The following PPEF1 variants were observed in gnomAD, a reference collection of about 807,000 sequenced individuals.
PPEF1 encodes the protein serine/threonine-protein phosphatase with EF-hands 1.
Under a neutral mutation model 53.3 loss-of-function variants are expected in PPEF1, and 12 were observed. The observed-to-expected ratio is 0.23, with a 90% CI of 0.14 to 0.36. The LOEUF (loss-of-function observed/expected upper bound fraction) is 0.36, where lower values mean the gene tolerates loss of function less well. Among genes scored for constraint, PPEF1 ranks in the 10% least tolerant of loss-of-function variants. PPEF1 has a pLI of 1.00. For missense variants in PPEF1, 334 were observed against 490.4 expected, an observed-to-expected ratio of 0.68 and a Z score of 3.01; for synonymous variants, 165 against 176.7, an observed-to-expected ratio of 0.93 and a Z score of 0.52.
At chrX:18,745,956 A>G (rs2045321107) in intron 3 of PPEF1, among the ~76,000 whole-genome samples, 1 of 112,096 alleles carries the variant, frequency 8.9e-6, no homozygotes, top group South Asian at 3.7e-4. Context: ...TCAAAGTGAC[A>G]TGTGGGTGGT....
intron 3 of PPEF1, among the ~76,000 whole-genome samples, chrX:18,739,830 A>G (rs1280159844): frequency 1.8e-5 from 2 of 112,344 alleles, no homozygotes; most frequent in Non-Finnish European, 3.8e-5. Flanking sequence ...AAGCCTCAGC[A>G]ATGGTGGATG....
At chrX:18,693,159 A>G (rs1001181958) in intron 4 of PPEF1, among the ~76,000 whole-genome samples, 1 of 112,308 alleles carries the variant, frequency 8.9e-6, no homozygotes, top group Non-Finnish European at 1.9e-5. Flanking sequence ...CCTCATTTAG[A>G]CAAAAACTCG....
At position 18,759,633 on chromosome X, in the gene PPEF1, C is replaced by G. The variant is rs552357626; in HGVS notation, c.511+1892C>G. 1.4e-3 allele frequency among the ~76,000 whole-genome samples: 152 copies of G among 111,724 alleles called. No individual in the cohort carries two copies. In the Middle Eastern group the frequency reaches 0.023, roughly 17 times the overall value. Reference sequence around the variant, plus strand: ...AATATTAAACTAAGTAAAGAGTCCTCCCATCTTTATGTCCTTAGATTTAGA... The same window carrying G: ...AATATTAAACTAAGTAAAGAGTCCTGCCATCTTTATGTCCTTAGATTTAGA... On this transcript the variant is annotated intron_variant, in intron 5 of 15. Transcript: ENST00000470157.
Position 18,717,815 on chromosome X carries a change from C to G in PPEF1, c.46+9989C>G, listed in dbSNP as rs766171729. On this transcript the variant is annotated intron_variant, in intron 1 of 15. Transcript: ENST00000470157. ...CCCCCTTGGCTCTCTGGTTTTGTCACTCTAACACTCTCCTTGGATGCTTTT... is the reference window on the plus strand; with the variant it reads ...CCCCCTTGGCTCTCTGGTTTTGTCAGTCTAACACTCTCCTTGGATGCTTTT... Among the ~76,000 whole-genome samples, 3 of 111,845 alleles carry G rather than the reference C, an allele frequency of 2.7e-5. No homozygotes were observed. In the South Asian group the frequency reaches 1.1e-3, roughly 42 times the overall value.
chrX:18,773,931 C>A (rs5955643), intron 6 of PPEF1, among the ~76,000 whole-genome samples: 48,748 of 109,972 alleles, frequency 0.44, 8,364 homozygotes, highest in Non-Finnish European at 0.54. Context: ...GTTTTCCTTC[C>A]TAGCATGTCT....
intron 9 of PPEF1, among the ~76,000 whole-genome samples, chrX:18,787,898 A>T (rs4825271): frequency 0.23 from 25,853 of 111,213 alleles, 2,676 homozygotes; most frequent in South Asian, 0.46. Flanking sequence ...TAGGCTGTGA[A>T]CTAGCTAGCA....
exon 1 of PPEF1, chrX:18,675,936 C>G (rs1459590123): frequency 1.1e-5 from 1 of 90,626 alleles, no homozygotes; most frequent in South Asian, 6.1e-4. Context: ...AGCTTGAAAA[C>G]CCACCTGCAA....
chrX:18,764,103 G>A (rs2001112), intron 6 of PPEF1, among the ~76,000 whole-genome samples: 47,981 of 110,017 alleles, frequency 0.44, 8,155 homozygotes, highest in Non-Finnish European at 0.54. Context: ...ACTGCAGTGA[G>A]GGCCTTAGGA....
At chrX:18,798,798 A>G (rs183897016) in intron 10 of PPEF1, among the ~76,000 whole-genome samples, 466 of 110,884 alleles carry the variant, frequency 4.2e-3, no homozygotes, top group African/African-American at 0.015. Flanking sequence ...TAATTTTTGT[A>G]GTTTTAGTAG....
intron 1 of PPEF1, among the ~76,000 whole-genome samples, chrX:18,719,283 A>G (rs2044527141): frequency 9.0e-6 from 1 of 110,515 alleles, no homozygotes; most frequent in South Asian, 3.8e-4. Context: ...TTGGTATGGT[A>G]TAAATGAAGC....
At chrX:18,681,730 G>T (rs1180302843), upstream of PPEF1, among the ~76,000 whole-genome samples, 1 of 111,725 alleles carries the variant, frequency 9.0e-6, no homozygotes, top group Non-Finnish European at 1.9e-5. Flanking sequence ...TGCCCAGGTG[G>T]CTTTGCTTTG....
chrX:18,716,658 C>T (rs908319702), intron 1 of PPEF1, among the ~76,000 whole-genome samples: 1 of 109,956 alleles, frequency 9.1e-6, no homozygotes, highest in Non-Finnish European at 1.9e-5. Context: ...ATGTATATTT[C>T]AGTTTGAGAC....
chrX:18,734,463 C>A (rs1427617702), intron 3 of PPEF1, among the ~76,000 whole-genome samples: 1 of 110,693 alleles, frequency 9.0e-6, no homozygotes, highest in African/African-American at 3.3e-5. Flanking sequence ...TGAACTCATC[C>A]TTTTTAATGA....
chrX:18,760,777 A>ATTTTT (rs35558454), intron 5 of PPEF1, among the ~76,000 whole-genome samples: 29 of 74,027 alleles, frequency 3.9e-4, no homozygotes, highest in African/African-American at 1.4e-3. Context: ...AAACCTGGCA[A>ATTTTT]TTTTTTTTTT....
intron 4 of PPEF1, among the ~76,000 whole-genome samples, chrX:18,695,436 A>G (rs1929659504): frequency 8.9e-6 from 1 of 112,436 alleles, no homozygotes; most frequent in African/African-American, 3.2e-5. Context: ...TGCTGAAGAG[A>G]AGGGATGAAC....
intron 10 of PPEF1, among the ~76,000 whole-genome samples, chrX:18,796,214 C>G (rs1417933127): frequency 3.6e-5 from 4 of 112,448 alleles, no homozygotes; most frequent in African/African-American, 1.3e-4. Context: ...CCTTGGCATC[C>G]CAAAGTGCTG....
intron 6 of PPEF1, among the ~76,000 whole-genome samples, chrX:18,775,982 C>T (rs776173259): frequency 8.9e-6 from 1 of 111,843 alleles, no homozygotes; most frequent in African/African-American, 3.2e-5. Context: ...GAGGCAGAGC[C>T]ACCCCCTTAA....
chrX:18,683,160 T>A (rs185140638), intron 1 of PPEF1, among the ~76,000 whole-genome samples: 116 of 111,540 alleles, frequency 1.0e-3, no homozygotes, highest in African/African-American at 3.6e-3. Context: ...TTGTGGGAGC[T>A]ACAATTCAAG....
In PPEF1 at chrX:18,691,957, T is replaced by C. The variant is rs760139046; in HGVS notation, c.-313+863T>C. Among the ~76,000 whole-genome samples, 15 of 112,231 alleles carry C rather than the reference T, an allele frequency of 1.3e-4. No homozygotes were observed. In the East Asian group the frequency reaches 4.2e-3, roughly 32 times the overall value. ...CCTCTTACTTTCCAGATTGCTTCTTTGTTAGCCTCCCTGTTGGCTCCTTCC... is the reference window on the plus strand; with the variant it reads ...CCTCTTACTTTCCAGATTGCTTCTTCGTTAGCCTCCCTGTTGGCTCCTTCC... On this transcript the variant is annotated intron_variant, in intron 4 of 21. Coordinates refer to the PPEF1 transcript ENST00000361511.
Sources: gnomAD v4.1 joint callset for allele counts (sites outside exome capture counted in the v4.1 genomes callset) on GRCh38, gnomAD v4.1.1 for gene constraint, MANE v1.5 for transcripts, NCBI Gene and HGNC (gene_info 2026-07-23, HGNC 2026-07-21) for gene names.